The following SLCO3A1 variants were observed in gnomAD, a reference collection of about 807,000 sequenced individuals.
The protein encoded by SLCO3A1 is solute carrier organic anion transporter family member 3A1.
In SLCO3A1, 27 loss-of-function variants were observed where a neutral mutation model predicts 63.1. The ratio of observed to expected loss-of-function variants is 0.43; its 90% CI spans 0.32 to 0.59. SLCO3A1 has a LOEUF of 0.59. Among genes scored for constraint, SLCO3A1 ranks in the 20% least tolerant of loss-of-function variants. SLCO3A1 has a pLI of 0.09. For missense variants in SLCO3A1, 773 were observed against 945.8 expected, an observed-to-expected ratio of 0.82 and a Z score of 2.40; for synonymous variants, 473 against 409.9, an observed-to-expected ratio of 1.15 and a Z score of -1.86.
chr15:92,097,005 C>T (rs1567117769), intron 3 of SLCO3A1, among the ~76,000 whole-genome samples: 1 of 152,146 alleles, frequency 6.6e-6, no homozygotes. Flanking sequence ...TCCACCACTG[C>T]ACCCAAGGCA....
chr15:91,993,305 A>G (rs560011364), intron 2 of SLCO3A1, among the ~76,000 whole-genome samples: 3 of 152,344 alleles, frequency 2.0e-5, no homozygotes, highest in Admixed American at 6.5e-5. Context: ...TCATGCTGAT[A>G]TATTTAGATG....
intron 1 of SLCO3A1, among the ~76,000 whole-genome samples, chr15:91,868,751 C>T (rs925320660): frequency 1.3e-5 from 2 of 152,124 alleles, no homozygotes; most frequent in Non-Finnish European, 2.9e-5. Context: ...AGAATCCATC[C>T]AAAGTACTCA....
intron 10 of SLCO3A1, chr15:92,171,365 G>A (rs1050115647): frequency 9.6e-5 from 15 of 156,858 alleles, no homozygotes; most frequent in African/African-American, 3.6e-4. Context: ...ATATGACATT[G>A]TGATGCCAGG....
At position 91,875,561 on chromosome 15, in the gene SLCO3A1, G is replaced by C. The variant is rs1288884076; in HGVS notation, c.180+21473G>C. Reference sequence around the variant, plus strand: ...GAGGGCTCTCCTGAGCGTGAAAGGAGTTACTGCCTGGGAAGCACTTGTGTG... The same window carrying C: ...GAGGGCTCTCCTGAGCGTGAAAGGACTTACTGCCTGGGAAGCACTTGTGTG... On this transcript the variant is annotated intron_variant, in intron 1 of 9. Transcript: ENST00000318445. The surrounding 1 kb of genome is among the most constrained non-coding windows in gnomAD (Gnocchi z 4.5). Among the ~76,000 whole-genome samples, 2 of 152,242 alleles carry C rather than the reference G, an allele frequency of 1.3e-5. No individual in the cohort carries two copies. Among genetic ancestry groups the C allele is most frequent in the African/African-American group, 4.8e-5 (2 of 41,462 alleles).
intron 2 of SLCO3A1, among the ~76,000 whole-genome samples, chr15:91,949,177 C>T (rs1418469720): frequency 6.6e-6 from 1 of 152,138 alleles, no homozygotes; most frequent in Non-Finnish European, 1.5e-5. Context: ...CTCTGACACA[C>T]ACCCAAATTG....
chr15:92,048,127 G>A (rs1226739449), intron 2 of SLCO3A1, among the ~76,000 whole-genome samples: 1 of 152,024 alleles, frequency 6.6e-6, no homozygotes, highest in Non-Finnish European at 1.5e-5. Flanking sequence ...TCCCTGAGTG[G>A]CATCTAGAAT....
chr15:91,961,067 C>T (rs999042422), intron 2 of SLCO3A1, among the ~76,000 whole-genome samples: 1 of 152,160 alleles, frequency 6.6e-6, no homozygotes, highest in African/African-American at 2.4e-5. Flanking sequence ...TGGCCCTTTT[C>T]TGAATGAAAT....
chr15:92,120,708 T>A, intron 5 of SLCO3A1, 79 bp downstream of exon 5: 4 of 1,298,808 alleles, frequency 3.1e-6, no homozygotes, highest in Non-Finnish European at 1.1e-6. Flanking sequence ...TACTGAGCCC[T>A]GCTGAAGAAC....
rs1897380250 is a variant in SLCO3A1 at position 91,875,596 on chromosome 15, T to C, written c.180+21508T>C. Among the ~76,000 whole-genome samples, 1 of 152,226 alleles carries C rather than the reference T, an allele frequency of 6.6e-6. No homozygotes were observed. Among genetic ancestry groups the C allele is most frequent in the Non-Finnish European group, 1.5e-5 (1 of 68,042 alleles). ...GGGAAGCACTTGTGTGTGATAAGTCTTAGCCTCATTCTCTGTCATTCCTTC... is the reference window on the plus strand; with the variant it reads ...GGGAAGCACTTGTGTGTGATAAGTCCTAGCCTCATTCTCTGTCATTCCTTC... On this transcript the variant is annotated intron_variant, in intron 1 of 9. Coordinates refer to ENST00000318445, the MANE Select transcript of SLCO3A1 (RefSeq NM_013272.4). This position sits in a 1 kb window ranked among gnomAD's most constrained non-coding sequence, Gnocchi z 4.5.
intron 2 of SLCO3A1, among the ~76,000 whole-genome samples, chr15:91,976,618 G>A (rs924251375): frequency 9.9e-5 from 15 of 152,232 alleles, no homozygotes; most frequent in South Asian, 6.2e-4. Flanking sequence ...AATCTGCCCC[G>A]ATATTCACGT....
intron 2 of SLCO3A1, among the ~76,000 whole-genome samples, chr15:92,092,631 T>G (rs958802506): frequency 6.6e-6 from 1 of 152,104 alleles, no homozygotes; most frequent in African/African-American, 2.4e-5. Flanking sequence ...CGCTTCTGAC[T>G]CGGACAACTG....
chr15:92,045,711 T>G (rs889345058), intron 2 of SLCO3A1, among the ~76,000 whole-genome samples: 5 of 152,194 alleles, frequency 3.3e-5, no homozygotes, highest in Non-Finnish European at 7.3e-5. Context: ...CATTATATGA[T>G]TTAGAATTTT....
chr15:92,159,042 C>A (rs1191128256), intron 9 of SLCO3A1, among the ~76,000 whole-genome samples: 1 of 152,114 alleles, frequency 6.6e-6, no homozygotes, highest in Non-Finnish European at 1.5e-5. Flanking sequence ...CAAGATCAGA[C>A]CCTTGGCGAA....
chr15:91,928,056 T>TA (rs1285310078), intron 2 of SLCO3A1, among the ~76,000 whole-genome samples: 1 of 152,246 alleles, frequency 6.6e-6, no homozygotes, highest in African/African-American at 2.4e-5. Context: ...AGGCAGTACA[T>TA]AGAGGAAAAT....
chr15:91,978,672 A>G (rs1483731166), intron 2 of SLCO3A1, among the ~76,000 whole-genome samples: 1 of 152,268 alleles, frequency 6.6e-6, no homozygotes, highest in Non-Finnish European at 1.5e-5. Flanking sequence ...TTATTAACCC[A>G]GGTTTACCTT....
At chr15:92,158,018 C>T (rs2048393163) in intron 9 of SLCO3A1, among the ~76,000 whole-genome samples, 1 of 152,194 alleles carries the variant, frequency 6.6e-6, no homozygotes, top group African/African-American at 2.4e-5. Context: ...GATGTGAACT[C>T]CCTGTCTGAG....
intron 5 of SLCO3A1, among the ~76,000 whole-genome samples, chr15:92,121,093 C>A (rs2047857915): frequency 6.6e-6 from 1 of 152,208 alleles, no homozygotes; most frequent in Non-Finnish European, 1.5e-5. Flanking sequence ...GACACTCCTT[C>A]TCCCCAAGGT....
intron 2 of SLCO3A1, among the ~76,000 whole-genome samples, chr15:91,943,896 C>G (rs1483960449): frequency 1.3e-5 from 2 of 152,182 alleles, no homozygotes; most frequent in African/African-American, 2.4e-5. Context: ...GGGCTACCCT[C>G]TGGTGACTGC....
chr15:91,898,869 A>G (rs72750070), intron 1 of SLCO3A1, among the ~76,000 whole-genome samples: 10,032 of 152,290 alleles, frequency 0.066, 469 homozygotes, highest in Non-Finnish European at 0.1. Context: ...CTTGGAGGTG[A>G]TAATGAAGAG....
Sources: allele counts gnomAD v4.1 joint callset (sites outside exome capture counted in the v4.1 genomes callset), GRCh38; gene constraint gnomAD v4.1.1; non-coding constraint Gnocchi (gnomAD v3.1); transcripts MANE v1.5; gene names NCBI Gene and HGNC (gene_info 2026-07-23, HGNC 2026-07-21).